The following ATP1B1 variants were observed in gnomAD, a reference collection of about 807,000 sequenced individuals.
The protein encoded by ATP1B1 is sodium/potassium-transporting ATPase subunit beta-1.
A neutral mutation model predicts 39.6 loss-of-function variants in ATP1B1; 3 were observed. The ratio of observed to expected loss-of-function variants is 0.08; its 90% CI spans 0.03 to 0.20. The LOEUF is 0.20. Ranked by LOEUF, ATP1B1 falls within the 10% of genes least tolerant of loss-of-function variation. The pLI, the probability that ATP1B1 is intolerant of heterozygous loss-of-function variation, is 1.00. For missense variants in ATP1B1, 216 were observed against 371.1 expected (o/e 0.58, Z 3.43); for synonymous variants, 139 against 135.0 (o/e 1.03, Z -0.20).
intron 4 of ATP1B1, 27 bp from the exon 5 acceptor site, chr1:169,129,983 A>G (rs1658171098): frequency 1.2e-6 from 2 of 1,600,092 alleles, no homozygotes; most frequent in East Asian, 2.2e-5. Flanking sequence ...TTTACAATCT[A>G]CTGATCATAA....
chr1:169,127,809 TAAAA>T (rs1039932692), intron 4 of ATP1B1, among the ~76,000 whole-genome samples: 3 of 151,326 alleles, frequency 2.0e-5, no homozygotes, highest in African/African-American at 7.3e-5. Flanking sequence ...AAGAATGGAT[TAAAA>T]AAAAAATTTT....
At chr1:169,117,400 A>G (rs1012194311) in intron 2 of ATP1B1, among the ~76,000 whole-genome samples, 1 of 152,234 alleles carries the variant, frequency 6.6e-6, no homozygotes, top group Non-Finnish European at 1.5e-5. Context: ...AGACAAGGGT[A>G]CAACTAGTAA....
At chr1:169,127,810 A>T (rs1443408105) in intron 4 of ATP1B1, among the ~76,000 whole-genome samples, 7 of 151,280 alleles carry the variant, frequency 4.6e-5, no homozygotes, top group Non-Finnish European at 8.9e-5. Flanking sequence ...AGAATGGATT[A>T]AAAAAAAAAT....
chr1:169,128,081 T>C (rs765354393), intron 4 of ATP1B1, among the ~76,000 whole-genome samples: 2 of 152,184 alleles, frequency 1.3e-5, no homozygotes, highest in African/African-American at 2.4e-5. Context: ...ATATTCTCCA[T>C]AAGAATGGAA....
intron 2 of ATP1B1, among the ~76,000 whole-genome samples, chr1:169,120,950 C>CTTTTTT (rs5778600): frequency 4.9e-4 from 66 of 134,804 alleles, no homozygotes; most frequent in East Asian, 1.1e-3. Context: ...CTTTTCTTTT[C>CTTTTTT]TTTTTTTTTT....
rs149479006 is a variant in ATP1B1 at position 169,124,945 on chromosome 1, G to C, written c.288G>C (p.Lys96Asn). ...TEISFRPNDP[K>N]SYEAYVLNIV... The stretch of plus-strand genomic sequence containing the variant: ...TTTCCTTTCGTCCTAATGATCCCAA[G>C]AGCTATGAGGCATATGTACTGAACA... Residue 96 changes from lysine to asparagine, a missense_variant, in exon 3 of 6, where the codon AAG (lysine) becomes AAC (asparagine). Lys to Asn is a moderately conservative substitution (Grantham distance 94). Coordinates refer to ENST00000367815, the MANE Select transcript of ATP1B1 (RefSeq NM_001677.4). 1 of 1,613,880 alleles carries C rather than the reference G, an allele frequency of 6.2e-7. No individual in the cohort carries two copies. The highest frequency in any genetic ancestry group is 1.1e-5 in the South Asian group (1 of 91,072).
intron 2 of ATP1B1, 75 bp from the exon 3 acceptor site, chr1:169,124,809 G>A: frequency 6.6e-7 from 1 of 1,514,918 alleles, no homozygotes; most frequent in South Asian, 1.2e-5. Context: ...AGTATGTTTT[G>A]TATGTGGAAA....
intron 2 of ATP1B1, among the ~76,000 whole-genome samples, chr1:169,121,339 A>AG (rs1557950190): frequency 6.6e-6 from 1 of 152,190 alleles, no homozygotes; most frequent in Non-Finnish European, 1.5e-5. Flanking sequence ...CATAGCCCCT[A>AG]GGCTCCTGGG....
At chr1:169,111,300 G>T (rs1053427584) in intron 1 of ATP1B1, 70 bp from the exon 2 acceptor site, 3 of 1,589,620 alleles carry the variant, frequency 1.9e-6, no homozygotes, top group African/African-American at 1.3e-5. Flanking sequence ...TTGTTCATCC[G>T]TGGGAAGATT....
At chr1:169,107,920 C>T in intron 1 of ATP1B1, 1 of 152,324 alleles carries the variant, frequency 6.6e-6, no homozygotes, top group Non-Finnish European at 1.5e-5. Context: ...ATGACCATCA[C>T]CACCAACACC....
At chr1:169,112,536 A>G (rs1415046501) in intron 2 of ATP1B1, among the ~76,000 whole-genome samples, 1 of 152,188 alleles carries the variant, frequency 6.6e-6, no homozygotes, top group Non-Finnish European at 1.5e-5. Context: ...TTAGGTGACA[A>G]TCTTCAGATG....
chr1:169,111,876 T>A (rs1417847821), intron 2 of ATP1B1, among the ~76,000 whole-genome samples: 2 of 152,164 alleles, frequency 1.3e-5, no homozygotes, highest in Non-Finnish European at 2.9e-5. Context: ...CTAACAGACA[T>A]TTTTTTACTT....
chr1:169,121,626 G>A (rs1329762550), intron 2 of ATP1B1, among the ~76,000 whole-genome samples: 1 of 152,168 alleles, frequency 6.6e-6, no homozygotes, highest in African/African-American at 2.4e-5. Context: ...GAGAATGCAA[G>A]CAGCCAGAAA....
rs1658169574 is a variant in ATP1B1 at position 169,129,948 on chromosome 1, T to C, written c.568-62T>C. On this transcript the variant is annotated intron_variant, in intron 4 of 5. Transcript: ENST00000367815. The stretch of plus-strand genomic sequence containing the variant: ...ACTTGTTTGGACTACGGAGTAGTTT[T>C]ATTTTTCAGAAACTTAAGAAATCAT... 1.9e-6 allele frequency: 3 copies of C among 1,546,284 alleles called. No homozygotes were observed. In the Admixed American group the frequency reaches 5.1e-5, roughly 26 times the overall value.
chr1:169,108,704 G>C (rs893151530), intron 1 of ATP1B1, among the ~76,000 whole-genome samples: 12 of 152,226 alleles, frequency 7.9e-5, no homozygotes, highest in African/African-American at 2.9e-4. Context: ...CCATGAGAGA[G>C]AGAAAGAGAG....
intron 4 of ATP1B1, among the ~76,000 whole-genome samples, chr1:169,128,795 G>C (rs1658141011): frequency 6.6e-6 from 1 of 152,186 alleles, no homozygotes; most frequent in Admixed American, 6.5e-5. Context: ...ACCCCACAGA[G>C]GCAGTCTAGT....
At chr1:169,110,123 CTTGTT>C (rs1657696250) in intron 1 of ATP1B1, among the ~76,000 whole-genome samples, 1 of 152,092 alleles carries the variant, frequency 6.6e-6, no homozygotes, top group African/African-American at 2.4e-5. Context: ...GTGTGTTTTG[CTTGTT>C]TTAACAGCTC....
rs1553237625 is a variant in ATP1B1 at position 169,132,037 on chromosome 1, T to TTTG, written c.*484_*485insGTT. On this transcript the variant is annotated 3_prime_UTR_variant, in exon 6 of 6. Coordinates refer to ENST00000367815, the MANE Select transcript of ATP1B1 (RefSeq NM_001677.4). ...CATGGTAATTTTTTTTTTTTTTTTT[T>TTTG]TTTTGTTTTTTGGCTCTTTCAAAGG... The TTTG allele has an allele frequency of 1.2e-5, 3 of 247,284 alleles. No individual in the cohort carries two copies. The highest frequency in any genetic ancestry group is 1.5e-4 in the East Asian group (1 of 6,756). The allele number at this position is 247,284 out of a possible 1,614,324, so 15.3% of individuals were successfully genotyped here.
chr1:169,124,290 C>A (rs1571225907), intron 2 of ATP1B1, among the ~76,000 whole-genome samples: 1 of 152,180 alleles, frequency 6.6e-6, no homozygotes, highest in East Asian at 1.9e-4. Context: ...GTGGTTACTG[C>A]ATGTATGTCC....
Sources: allele counts gnomAD v4.1 joint callset (sites outside exome capture counted in the v4.1 genomes callset), GRCh38; gene constraint gnomAD v4.1.1; transcripts MANE v1.5; gene names NCBI Gene and HGNC (gene_info 2026-07-23, HGNC 2026-07-21).